SPTB: variants seen among roughly 807,000 people sequenced by gnomAD.
The protein encoded by SPTB is spectrin beta chain, erythrocytic.
SPTB carries 45 observed loss-of-function variants against 256.2 expected under a neutral mutation model. The observed-to-expected ratio is 0.18, with a 90% CI of 0.14 to 0.23. The LOEUF is 0.23. SPTB is among the 10% of genes least tolerant of loss of function. The pLI is 1.00. For synonymous variants in SPTB, 1,231 were observed against 1,243.1 expected (o/e 0.99, Z 0.21); for missense variants, 2,715 against 3,040.4 (o/e 0.89, Z 2.52).
intron 2 of SPTB, among the ~76,000 whole-genome samples, chr14:64,808,070 C>T (rs994662741): frequency 2.0e-5 from 3 of 152,166 alleles, no homozygotes; most frequent in Non-Finnish European, 4.4e-5. Flanking sequence ...TGGAGTGCAG[C>T]GGCGCAATCT....
In SPTB at chr14:64,802,405, T is replaced by TC; in HGVS notation, c.475-89dup. On this transcript the variant is annotated intron_variant, in intron 4 of 35. Coordinates refer to ENST00000644917, the MANE Select transcript of SPTB (RefSeq NM_001355436.2). The surrounding 1 kb of genome is among the most constrained non-coding windows in gnomAD (Gnocchi z 5.1). ...CGTCCCTGGGAGGCTCCCTCCCTCA[T>TC]CCCCCCTTCACTTAACACTAATTCA... is the stretch of plus-strand genomic sequence containing the variant. 5.6e-6 allele frequency: 7 copies of TC among 1,240,906 alleles called. No homozygotes were observed. The highest frequency in any genetic ancestry group is 1.3e-5 in the South Asian group (1 of 79,224). The allele number at this position is 1,240,906 out of a possible 1,614,324, so 76.9% of individuals were successfully genotyped here.
intron 1 of SPTB, among the ~76,000 whole-genome samples, chr14:64,846,309 G>A (rs1438457971): frequency 6.6e-6 from 1 of 152,188 alleles, no homozygotes; most frequent in East Asian, 1.9e-4. Context: ...GGGGCAGGGG[G>A]GATTGTAAAG....
intron 1 of SPTB, among the ~76,000 whole-genome samples, chr14:64,864,724 T>C (rs552696445): frequency 3.3e-5 from 5 of 152,304 alleles, no homozygotes; most frequent in African/African-American, 9.6e-5. Flanking sequence ...AGGAGTGCCA[T>C]TTATACTCTT....
rs1451917934 is a variant in SPTB, at chr14:64,790,433, C to A, written c.2804+1286G>T. ...ATCTCTACCACCTCCTGCCCACCAA[C>A]ACACACAAACTCATTACCTACAAGG... On this transcript the variant is annotated intron_variant, in intron 15 of 35. Coordinates refer to ENST00000644917, the MANE Select transcript of SPTB (RefSeq NM_001355436.2). This position sits in a 1 kb window ranked among gnomAD's most constrained non-coding sequence, Gnocchi z 4.8. 6.6e-6 allele frequency among the ~76,000 whole-genome samples: 1 copy of A among 152,224 alleles called. No individual in the cohort carries two copies. The highest frequency in any genetic ancestry group is 1.5e-5 in the Non-Finnish European group (1 of 68,048).
Position 64,869,157 on chromosome 14 carries a change from T to G in SPTB, c.-52+10635A>C, listed in dbSNP as rs150711185. Among the ~76,000 whole-genome samples the G allele has an allele frequency of 8.5e-4, 130 of 152,306 alleles. 1 individual carries two copies. The highest frequency in any genetic ancestry group is 3.1e-3 in the African/African-American group (128 of 41,572). On this transcript the variant is annotated intron_variant, in intron 1 of 35. Transcript: ENST00000644917. ...CATGGGTTCAAGTCCAGCTATTACC[T>G]TACTTGGTGGGTATTCATGGGTAAG...
intron 1 of SPTB, among the ~76,000 whole-genome samples, chr14:64,846,686 T>A (rs1367037647): frequency 1.3e-5 from 2 of 152,264 alleles, no homozygotes; most frequent in Admixed American, 6.5e-5. Context: ...TGAGTTACTG[T>A]CACTGGGAGA....
intron 1 of SPTB, among the ~76,000 whole-genome samples, chr14:64,875,158 T>C (rs1407793300): frequency 6.6e-6 from 1 of 152,182 alleles, no homozygotes; most frequent in African/African-American, 2.4e-5. Context: ...AAGAGGGCTT[T>C]GTAATATTTC....
intron 10 of SPTB, among the ~76,000 whole-genome samples, chr14:64,797,293 G>A (rs1022738768): frequency 6.6e-6 from 1 of 151,696 alleles, no homozygotes; most frequent in African/African-American, 2.4e-5. Context: ...AACATTGCCA[G>A]ACTCTGTCTC....
At chr14:64,867,371 G>A (rs1882248242) in intron 1 of SPTB, among the ~76,000 whole-genome samples, 1 of 152,192 alleles carries the variant, frequency 6.6e-6, no homozygotes, top group South Asian at 2.1e-4. Flanking sequence ...ATCAGACACT[G>A]TCTCTTCCTC....
At chr14:64,840,037 T>A (rs559848751) in intron 1 of SPTB, among the ~76,000 whole-genome samples, 1 of 152,240 alleles carries the variant, frequency 6.6e-6, no homozygotes, top group African/African-American at 2.4e-5. Flanking sequence ...GATCCTCTTA[T>A]GACCCTGTGA....
chr14:64,820,598 C>T (rs2083269890), intron 2 of SPTB, among the ~76,000 whole-genome samples: 1 of 152,212 alleles, frequency 6.6e-6, no homozygotes, highest in Non-Finnish European at 1.5e-5. Flanking sequence ...TCTGGTAAGT[C>T]AGATGCATGC....
chr14:64,792,495 T>A lies in SPTB; in HGVS notation c.2666+502A>T, dbSNP rs1269608149. 2.0e-5 allele frequency among the ~76,000 whole-genome samples: 3 copies of A among 152,160 alleles called. No individual in the cohort carries two copies. The highest frequency in any genetic ancestry group is 2.0e-4 in the Admixed American group (3 of 15,282). On this transcript the variant is annotated intron_variant, in intron 14 of 35. Coordinates refer to ENST00000644917, the MANE Select transcript of SPTB (RefSeq NM_001355436.2). The surrounding 1 kb of genome is among the most constrained non-coding windows in gnomAD (Gnocchi z 4.2). ...TCAGCTGCTGAGATGCTGCACAGAC[T>A]GGGGCATGCCTCATCATCTGGGGTG...
chr14:64,831,904 C>T (rs1436816350), intron 1 of SPTB, among the ~76,000 whole-genome samples: 1 of 152,116 alleles, frequency 6.6e-6, no homozygotes, highest in African/African-American at 2.4e-5. Flanking sequence ...TGCATGTAAG[C>T]CAATACCCAT....
At chr14:64,750,859 CATAT>C (rs1039207573) in intron 33 of SPTB, among the ~76,000 whole-genome samples, 1 of 144,632 alleles carries the variant, frequency 6.9e-6, no homozygotes, top group African/African-American at 2.5e-5. Context: ...TATTATATAA[CATAT>C]ATACCTATTA....
intron 9 of SPTB, 87 bp downstream of exon 9, chr14:64,799,660 T>C: frequency 1.3e-6 from 2 of 1,512,412 alleles, no homozygotes; most frequent in South Asian, 2.3e-5. Context: ...GTGGACACAC[T>C]TCATAAGGCC....
Position 64,784,137 on chromosome 14 carries a change from G to A in SPTB, c.4002+110C>T, listed in dbSNP as rs528856005. 42 of 1,532,728 alleles carry A rather than the reference G, an allele frequency of 2.7e-5. No homozygotes were observed. In the Admixed American group the frequency reaches 3.5e-4, roughly 13 times the overall value. The allele number at this position is 1,532,728 out of a possible 1,614,324, so 94.9% of individuals were successfully genotyped here. A position where few individuals can be genotyped will look rare whatever the true frequency, so the allele number is the denominator to read the frequency against. On this transcript the variant is annotated intron_variant, in intron 19 of 35. Coordinates refer to ENST00000644917, the MANE Select transcript of SPTB (RefSeq NM_001355436.2). ...ATTTAGAAAAGTTGTTCGCTGCCAC[G>A]TTCTGTACTGTCAGCAAGCTTTAGG...
chr14:64,830,058 T>C (rs1487716527), intron 1 of SPTB, among the ~76,000 whole-genome samples: 1 of 152,132 alleles, frequency 6.6e-6, no homozygotes, highest in Non-Finnish European at 1.5e-5. Flanking sequence ...CTGGTCACCC[T>C]CTCTAAGGTA....
intron 1 of SPTB, among the ~76,000 whole-genome samples, chr14:64,855,766 G>C (rs1231383199): frequency 1.3e-5 from 2 of 152,232 alleles, no homozygotes; most frequent in Non-Finnish European, 2.9e-5. Context: ...GAGTGCCTGA[G>C]AGCACCAGCA....
intron 19 of SPTB, among the ~76,000 whole-genome samples, chr14:64,783,327 G>A (rs553573206): frequency 1.1e-4 from 17 of 152,064 alleles, no homozygotes; most frequent in Admixed American, 9.8e-4. Context: ...TCAGTCTCCT[G>A]AGTAGCTGGG....
Sources: allele counts gnomAD v4.1 joint callset (sites outside exome capture counted in the v4.1 genomes callset), GRCh38; gene constraint gnomAD v4.1.1; non-coding constraint Gnocchi (gnomAD v3.1); transcripts MANE v1.5; gene names NCBI Gene and HGNC (gene_info 2026-07-23, HGNC 2026-07-21).